Variants in LOXL2 observed in about 807,000 individuals in gnomAD.
LOXL2 encodes the protein lysyl oxidase homolog 2.
Under a neutral mutation model 93.0 loss-of-function variants are expected in LOXL2, and 70 were observed. That is an observed-to-expected ratio of 0.75 (90% CI 0.62 to 0.92). LOXL2 has a LOEUF of 0.92. Ranked by LOEUF, LOXL2 falls within the 40% of genes least tolerant of loss-of-function variation. LOXL2 has a pLI of 0.00. For synonymous variants in LOXL2, 438 were observed against 413.2 expected (o/e 1.06, Z -0.73); for missense variants, 973 against 1,054.9 (o/e 0.92, Z 1.08).
intron 1 of LOXL2, among the ~76,000 whole-genome samples, chr8:23,383,653 TTTTG>T (rs564366410): frequency 0.14 from 4,193 of 29,540 alleles, 309 homozygotes; most frequent in African/African-American, 0.29. Flanking sequence ...TACGTTTTTT[TTTTG>T]TTTTTTTTTT....
At chr8:23,309,417 T>G (rs1405385120) in intron 10 of LOXL2, among the ~76,000 whole-genome samples, 2 of 152,016 alleles carry the variant, frequency 1.3e-5, no homozygotes, top group African/African-American at 2.4e-5. Flanking sequence ...CAAAACAAAG[T>G]GTGTTTCCTG....
chr8:23,396,571 C>G (rs567581816), intron 1 of LOXL2, among the ~76,000 whole-genome samples: 2 of 152,308 alleles, frequency 1.3e-5, no homozygotes, highest in East Asian at 3.9e-4. Flanking sequence ...TTGCAAATCT[C>G]AACAGGTTGT....
chr8:23,334,679 T>G (rs887092941), intron 4 of LOXL2, among the ~76,000 whole-genome samples: 2 of 147,140 alleles, frequency 1.4e-5, no homozygotes, highest in Non-Finnish European at 3.0e-5. Flanking sequence ...GTAATTCAGT[T>G]TTTTTTTTTC....
rs149149286 is a variant in LOXL2 at position 23,368,268 on chromosome 8, G to A, written c.84C>T (p.Asp28=). The change falls in exon 2 of 14, where the codon GAC becomes GAT. Residue 28 remains aspartate, a synonymous_variant. Transcript: ENST00000389131. Reference sequence around the variant, plus strand: ...AGTACTCGGGGTAATGGGGCCAGCTGTCATACTGTGCCAGGCTCAGGGGGG... The same window carrying A: ...AGTACTCGGGGTAATGGGGCCAGCTATCATACTGTGCCAGGCTCAGGGGGG... The part of the protein sequence containing the change: ...LLSPLSLAQY[D]SWPHYPEYFQ... 240 of 1,613,870 alleles carry A rather than the reference G, an allele frequency of 1.5e-4. No individual in the cohort carries two copies. Among genetic ancestry groups the A allele is most frequent in the Middle Eastern group, 1.5e-3 (9 of 6,062 alleles).
At chr8:23,309,589 G>A in intron 10 of LOXL2, 79 bp downstream of exon 10, 6 of 1,326,312 alleles carry the variant, frequency 4.5e-6, no homozygotes, top group South Asian at 4.1e-5. Context: ...AAGTGACCCT[G>A]GCAACTCTCA....
chr8:23,359,508 C>T (rs1804254091), intron 3 of LOXL2, among the ~76,000 whole-genome samples: 1 of 152,154 alleles, frequency 6.6e-6, no homozygotes, highest in Non-Finnish European at 1.5e-5. Context: ...GGAACCACAG[C>T]CTGCCAACAA....
chr8:23,377,902 G>A (rs1804618752), intron 1 of LOXL2, among the ~76,000 whole-genome samples: 1 of 152,186 alleles, frequency 6.6e-6, no homozygotes, highest in South Asian at 2.1e-4. Flanking sequence ...CAATTTGCCA[G>A]TCTGTGTCTT....
intron 7 of LOXL2, 142 bp downstream of exon 7, chr8:23,321,988 A>G (rs1803504492): frequency 5.2e-6 from 5 of 954,016 alleles, no homozygotes; most frequent in South Asian, 1.6e-5. Context: ...AGGGGGAACT[A>G]AACATTGCAA....
intron 7 of LOXL2, chr8:23,321,752 T>G: frequency 1.6e-5 from 3 of 185,524 alleles, no homozygotes; most frequent in African/African-American, 2.3e-5. Context: ...TTTCTGAACA[T>G]GAATAGAGGA....
intron 6 of LOXL2, among the ~76,000 whole-genome samples, chr8:23,322,940 T>C (rs149323630): frequency 2.0e-5 from 3 of 152,328 alleles, no homozygotes; most frequent in Non-Finnish European, 4.4e-5. Context: ...GCTTGTGATA[T>C]GACATGGTCA....
At chr8:23,369,256 C>G (rs765806795) in intron 1 of LOXL2, among the ~76,000 whole-genome samples, 1 of 152,306 alleles carries the variant, frequency 6.6e-6, no homozygotes, top group Non-Finnish European at 1.5e-5. Flanking sequence ...TCCTGGTCAT[C>G]GTATCTGGTG....
In LOXL2 at chr8:23,333,594, T is replaced by A. The variant is rs777358268; in HGVS notation, c.773A>T (p.Tyr258Phe). The change falls in exon 5 of 14, where the codon TAC becomes TTC. Residue 258 changes from tyrosine (Y) to phenylalanine (F), a missense_variant. Tyr to Phe is a conservative substitution (Grantham distance 22, BLOSUM62 3). Coordinates refer to ENST00000389131, the MANE Select transcript of LOXL2 (RefSeq NM_002318.3). Reference protein sequence around the residue: ...KMFASRRKQRYWPFSMDCTGT... With the variant: ...KMFASRRKQRFWPFSMDCTGT... ...GGTGCAGTCCATGGAGAATGGCCAG[T>A]AGCGCTGCTTCCTCCGTGAGGCAAA... The A allele has an allele frequency of 6.2e-7, 1 of 1,613,516 alleles. No individual in the cohort carries two copies. The highest frequency in any genetic ancestry group is 2.2e-5 in the East Asian group (1 of 44,886).
At chr8:23,317,429 C>T (rs1341321401) in intron 8 of LOXL2, among the ~76,000 whole-genome samples, 2 of 152,188 alleles carry the variant, frequency 1.3e-5, no homozygotes, top group Non-Finnish European at 2.9e-5. Flanking sequence ...TGCCCACTCC[C>T]CAGTCCTGAT....
chr8:23,355,629 C>T (rs1436433009), intron 3 of LOXL2, among the ~76,000 whole-genome samples: 1 of 133,368 alleles, frequency 7.5e-6, no homozygotes, highest in East Asian at 2.4e-4. Flanking sequence ...TTTTTTGAGA[C>T]AGGGTCTCGC....
chr8:23,355,541 A>G (rs1398122734), intron 3 of LOXL2, among the ~76,000 whole-genome samples: 11 of 44,512 alleles, frequency 2.5e-4, no homozygotes, highest in African/African-American at 1.2e-3. Flanking sequence ...TTTTTTTTTT[A>G]GCAGCCCTAT....
At chr8:23,397,709 C>T (rs1324365488) in intron 1 of LOXL2, among the ~76,000 whole-genome samples, 3 of 147,212 alleles carry the variant, frequency 2.0e-5, no homozygotes, top group South Asian at 4.3e-4. Flanking sequence ...ACTTGGGAGG[C>T]GGAGCTTGCA....
Position 23,317,016 on chromosome 8 carries a change from G to A in LOXL2, c.1569C>T (p.His523=), listed in dbSNP as rs1461095993. Residue 523 remains histidine, a synonymous_variant, in exon 9 of 14, where the codon CAC becomes CAT. Coordinates refer to ENST00000389131, the MANE Select transcript of LOXL2 (RefSeq NM_002318.3). ...GTELSLAHCR[H]DGEDVACPQG... The stretch of plus-strand genomic sequence containing the variant: ...GGGGGCAGGCCACGTCCTCCCCGTC[G>A]TGGCGGCAGTGCGCCAGGGACAGCT... 4 of 1,613,968 alleles carry A rather than the reference G, an allele frequency of 2.5e-6. No individual in the cohort carries two copies. The highest frequency in any genetic ancestry group is 2.2e-5 in the East Asian group (1 of 44,894).
intron 1 of LOXL2, among the ~76,000 whole-genome samples, chr8:23,389,647 TAC>T (rs1804812153): frequency 1.3e-5 from 2 of 152,220 alleles, no homozygotes; most frequent in Admixed American, 6.5e-5. Context: ...GTAAAAATTA[TAC>T]AGTGTTTGGA....
intron 1 of LOXL2, among the ~76,000 whole-genome samples, chr8:23,380,946 G>A (rs1472271288): frequency 6.6e-6 from 1 of 152,180 alleles, no homozygotes; most frequent in Non-Finnish European, 1.5e-5. Context: ...CTGGGAGGCG[G>A]AGGTTGCAGT....
Sources: gnomAD v4.1 joint callset for allele counts (sites outside exome capture counted in the v4.1 genomes callset) on GRCh38, gnomAD v4.1.1 for gene constraint, MANE v1.5 for transcripts, NCBI Gene and HGNC (gene_info 2026-07-23, HGNC 2026-07-21) for gene names.